Variants in CACNA1D observed in about 807,000 individuals in gnomAD.
CACNA1D encodes voltage-dependent L-type calcium channel subunit alpha-1D.
A neutral mutation model predicts 257.1 loss-of-function variants in CACNA1D; 55 were observed. That is an observed-to-expected ratio of 0.21 (90% CI 0.17 to 0.27). The LOEUF is 0.27. Among genes scored for constraint, CACNA1D ranks in the 10% least tolerant of loss-of-function variants. The pLI is 1.00. For missense variants in CACNA1D, 1,876 were observed against 2,784.0 expected (o/e 0.67, Z 7.34); for synonymous variants, 980 against 1,014.9 (o/e 0.97, Z 0.65).
At chr3:53,709,743 T>A (rs2094730045) in intron 9 of CACNA1D, among the ~76,000 whole-genome samples, 1 of 152,204 alleles carries the variant, frequency 6.6e-6, no homozygotes, top group Non-Finnish European at 1.5e-5. Flanking sequence ...CTGGTGGTCA[T>A]GGGAGAGTCG....
chr3:53,758,115 A>G (rs1182637959), intron 29 of CACNA1D, among the ~76,000 whole-genome samples: 1 of 152,170 alleles, frequency 6.6e-6, no homozygotes, highest in Non-Finnish European at 1.5e-5. Flanking sequence ...GCATGAGACG[A>G]TACCTGCTTT....
intron 3 of CACNA1D, among the ~76,000 whole-genome samples, chr3:53,514,903 G>A (rs572065082): frequency 2.0e-5 from 3 of 152,276 alleles, no homozygotes; most frequent in East Asian, 1.9e-4. Context: ...CTGTCCCACC[G>A]AATAGCCTAA....
At chr3:53,506,609 G>A (rs2090857473) in intron 3 of CACNA1D, among the ~76,000 whole-genome samples, 1 of 152,102 alleles carries the variant, frequency 6.6e-6, no homozygotes, top group Non-Finnish European at 1.5e-5. Flanking sequence ...AGGACTCCAT[G>A]GTATATTCTT....
chr3:53,545,871 T>C (rs2092401642), intron 3 of CACNA1D, among the ~76,000 whole-genome samples: 1 of 152,136 alleles, frequency 6.6e-6, no homozygotes, highest in South Asian at 2.1e-4. Flanking sequence ...CTGATGTAAT[T>C]CTTTTTCTGC....
intron 3 of CACNA1D, among the ~76,000 whole-genome samples, chr3:53,507,221 A>T (rs1301318133): frequency 6.6e-6 from 1 of 152,154 alleles, no homozygotes; most frequent in Non-Finnish European, 1.5e-5. Flanking sequence ...CTATACAAAT[A>T]ATTATATCTC....
At position 53,497,174 on chromosome 3, in the gene CACNA1D, C is replaced by T; in HGVS notation, c.90C>T (p.Thr30=). 1.2e-6 allele frequency: 2 copies of T among 1,613,986 alleles called. No individual in the cohort carries two copies. The highest frequency in any genetic ancestry group is 1.7e-6 in the Non-Finnish European group (2 of 1,179,946). Reference sequence around the variant, plus strand: ...CAGAGGCAAACTATGCAAGAGGCACCAGACTTCCTCTTTCTGGTGAAGGAC... The same window carrying T: ...CAGAGGCAAACTATGCAAGAGGCACTAGACTTCCTCTTTCTGGTGAAGGAC... ...HANEANYARG[T]RLPLSGEGPT... Residue 30 remains threonine, a synonymous_variant, in exon 2 of 48, where the codon ACC becomes ACT. Coordinates refer to ENST00000350061, the MANE Select transcript of CACNA1D (RefSeq NM_001128840.3).
chr3:53,577,499 A>G (rs1052304592), intron 3 of CACNA1D, among the ~76,000 whole-genome samples: 3 of 152,186 alleles, frequency 2.0e-5, no homozygotes, highest in Non-Finnish European at 2.9e-5. Flanking sequence ...GAGAAATCCC[A>G]TGGAGGTATC....
intron 3 of CACNA1D, among the ~76,000 whole-genome samples, chr3:53,574,849 A>T (rs1347183059): frequency 6.6e-6 from 1 of 152,202 alleles, no homozygotes; most frequent in African/African-American, 2.4e-5. Context: ...CCTTGAGATG[A>T]CTTTAACCCC....
intron 5 of CACNA1D, among the ~76,000 whole-genome samples, chr3:53,661,300 G>T (rs2094201372): frequency 6.6e-6 from 1 of 151,868 alleles, no homozygotes; most frequent in South Asian, 2.1e-4. Flanking sequence ...TATTAAATTT[G>T]TTGGCACTTA....
chr3:53,784,135 C>T (rs984582485), intron 39 of CACNA1D, among the ~76,000 whole-genome samples: 2 of 152,228 alleles, frequency 1.3e-5, no homozygotes, highest in African/African-American at 4.8e-5. Flanking sequence ...CCCAGTGGCC[C>T]GGGGGTCTCC....
chr3:53,517,633 G>A (rs1322832672), intron 3 of CACNA1D, among the ~76,000 whole-genome samples: 3 of 152,030 alleles, frequency 2.0e-5, no homozygotes, highest in East Asian at 3.9e-4. Context: ...ACAGGCGTGC[G>A]CCACCACACC....
intron 38 of CACNA1D, 101 bp downstream of exon 38, chr3:53,780,229 G>A: frequency 1.0e-6 from 1 of 957,270 alleles, no homozygotes. Flanking sequence ...CCAAGGGGAG[G>A]CCCTGGGGAA....
chr3:53,757,484 C>G (rs1376728564), intron 29 of CACNA1D, among the ~76,000 whole-genome samples: 1 of 152,316 alleles, frequency 6.6e-6, no homozygotes, highest in South Asian at 2.1e-4. Context: ...TTCTATGCCT[C>G]CCTGCCTTCA....
At chr3:53,532,261 G>A (rs577322211) in intron 3 of CACNA1D, among the ~76,000 whole-genome samples, 1 of 152,242 alleles carries the variant, frequency 6.6e-6, no homozygotes, top group Non-Finnish European at 1.5e-5. Flanking sequence ...CCTGCAGGGG[G>A]ATCTGGAAAT....
chr3:53,533,979 A>T (rs1286902115), intron 3 of CACNA1D, among the ~76,000 whole-genome samples: 2 of 152,208 alleles, frequency 1.3e-5, no homozygotes, highest in Non-Finnish European at 2.9e-5. Flanking sequence ...GAATATTATT[A>T]AAAAGACTCA....
intron 30 of CACNA1D, chr3:53,766,270 C>T (rs1384109630): frequency 1.3e-5 from 2 of 152,244 alleles, no homozygotes; most frequent in East Asian, 1.9e-4. Flanking sequence ...TGTAGTCCCC[C>T]ATTTCATATG....
At position 53,722,341 on chromosome 3, in the gene CACNA1D, C is replaced by G. The variant is rs762756866; in HGVS notation, c.1533C>G (p.Phe511Leu). ...GACGCTGGCGTCGCTGGAACCGATT[C>G]AATCGCAGAAGATGTAGGGCCGCCG... ...LSRRWRRWNR[F>L]NRRRCRAAVK... Residue 511 changes from phenylalanine (F) to leucine (L), a missense_variant, in exon 12 of 48, where the codon TTC (phenylalanine) becomes TTG (leucine). Physicochemically the swap from Phe to Leu is conservative, Grantham distance 22. This residue lies in a region of CACNA1D where 257 missense variants were observed against 399.7 expected (regional missense o/e 0.64). Transcript: ENST00000350061. The G allele has an allele frequency of 2.8e-5, 45 of 1,614,126 alleles. No homozygotes were observed. The highest frequency in any genetic ancestry group is 5.3e-5 in the African/African-American group (4 of 74,936).
intron 3 of CACNA1D, among the ~76,000 whole-genome samples, chr3:53,538,141 G>GT (rs538996336): frequency 0.056 from 5,035 of 90,300 alleles, 988 homozygotes; most frequent in African/African-American, 0.16. Context: ...AGTTTTTGAA[G>GT]TTTTTTTTTT....
chr3:53,558,605 T>C (rs1042867748), intron 3 of CACNA1D, among the ~76,000 whole-genome samples: 26 of 152,184 alleles, frequency 1.7e-4, no homozygotes, highest in African/African-American at 6.0e-4. Flanking sequence ...TTCTTTCACC[T>C]GCATTTCAAA....
Sources: gnomAD v4.1 joint callset for allele counts (sites outside exome capture counted in the v4.1 genomes callset) on GRCh38, gnomAD v4.1.1 for gene constraint, gnomAD v4.1.1 regional missense constraint, MANE v1.5 for transcripts, NCBI Gene and HGNC (gene_info 2026-07-23, HGNC 2026-07-21) for gene names.